Variants in KLHL20 observed in about 807,000 individuals in gnomAD.
The protein encoded by KLHL20 is kelch-like protein 20.
KLHL20 carries 29 observed loss-of-function variants against 69.5 expected under a neutral mutation model. That is an observed-to-expected ratio of 0.42 (90% CI 0.31 to 0.57). The LOEUF (loss-of-function observed/expected upper bound fraction) is 0.57. Ranked by LOEUF, KLHL20 falls within the 20% of genes least tolerant of loss-of-function variation. The pLI, the probability that KLHL20 is intolerant of heterozygous loss-of-function variation, is 0.18. For synonymous variants in KLHL20, 253 were observed against 265.2 expected, an observed-to-expected ratio of 0.95 and a Z score of 0.45; for missense variants, 419 against 776.0, an observed-to-expected ratio of 0.54 and a Z score of 5.47.
chr1:173,753,645 T>C (rs1172381664), intron 5 of KLHL20, among the ~76,000 whole-genome samples: 1 of 152,216 alleles, frequency 6.6e-6, no homozygotes, highest in East Asian at 1.9e-4. Context: ...TAAATAATGC[T>C]GTTGACTCTG....
Position 173,775,850 on chromosome 1 carries a change from G to GT in KLHL20, c.1638+10dup. The GT allele has an allele frequency of 6.2e-7, 1 of 1,612,504 alleles. No individual in the cohort carries two copies. The highest frequency in any genetic ancestry group is 8.5e-7 in the Non-Finnish European group (1 of 1,178,552). On this transcript the variant is annotated intron_variant, in intron 10 of 11. Coordinates refer to ENST00000209884, the MANE Select transcript of KLHL20 (RefSeq NM_014458.4). ...ACATCACGCCGTAGTGGAGTAAGTGGTTATGGACACTTAGGTTGCTTCCAA... is the reference window on the plus strand; with the variant it reads ...ACATCACGCCGTAGTGGAGTAAGTGGTTTATGGACACTTAGGTTGCTTCCAA...
At chr1:173,718,127 C>T (rs1671545970) in intron 2 of KLHL20, among the ~76,000 whole-genome samples, 1 of 151,970 alleles carries the variant, frequency 6.6e-6, no homozygotes, top group African/African-American at 2.4e-5. Flanking sequence ...AGGGTTTTGC[C>T]ATGTTGCCCA....
chr1:173,785,824 A>G lies in KLHL20; in HGVS notation c.*577A>G, dbSNP rs1571948116. 1.3e-5 allele frequency: 2 copies of G among 152,142 alleles called. No individual in the cohort carries two copies. The highest frequency in any genetic ancestry group is 6.5e-5 in the Admixed American group (1 of 15,272). The allele number at this position is 152,142 out of a possible 1,614,324, so 9.4% of individuals were successfully genotyped here. A position where few individuals can be genotyped will look rare whatever the true frequency, so the allele number is the denominator to read the frequency against. On this transcript the variant is annotated 3_prime_UTR_variant, in exon 12 of 12. Coordinates refer to ENST00000209884, the MANE Select transcript of KLHL20 (RefSeq NM_014458.4). ...ACAATTCAGAAGGGATACTAAATCA[A>G]TAAAAACCAGGACTCAGACACTACA...
At chr1:173,769,522 C>T (rs1237818174) in intron 8 of KLHL20, among the ~76,000 whole-genome samples, 1 of 152,086 alleles carries the variant, frequency 6.6e-6, no homozygotes, top group Non-Finnish European at 1.5e-5. Flanking sequence ...GGCGCTGTGG[C>T]TCACACCCAT....
chr1:173,729,789 C>A (rs1338628504), intron 2 of KLHL20, among the ~76,000 whole-genome samples: 2 of 152,114 alleles, frequency 1.3e-5, no homozygotes, highest in Admixed American at 6.6e-5. Context: ...ACTGGAAGCA[C>A]TCCCTTTGAA....
At chr1:173,732,858 C>G (rs939735199) in intron 2 of KLHL20, among the ~76,000 whole-genome samples, 1 of 152,052 alleles carries the variant, frequency 6.6e-6, no homozygotes, top group Non-Finnish European at 1.5e-5. Flanking sequence ...TATTTAATAT[C>G]TCTAGATATG....
chr1:173,741,557 A>G (rs1417155923), intron 3 of KLHL20: 1 of 416,162 alleles, frequency 2.4e-6, no homozygotes, highest in Non-Finnish European at 4.2e-6. Context: ...TACAATTCAA[A>G]ATTTTCTGCA....
At position 173,734,172 on chromosome 1, in the gene KLHL20, A is replaced by T; in HGVS notation, c.483A>T (p.Leu161Phe). ...AEIQEACCEF[L>F]KRQLDPSNCL... Reference sequence around the variant, plus strand: ...TACAGGAAGCCTGCTGTGAATTCTTAAAGAGACAATTAGATCCTTCTAACT... The same window carrying T: ...TACAGGAAGCCTGCTGTGAATTCTTTAAGAGACAATTAGATCCTTCTAACT... The change falls in exon 3 of 12, where the codon TTA (leucine) becomes TTT (phenylalanine). Residue 161 changes from leucine (L) to phenylalanine (F), a missense_variant. Physicochemically the swap from Leu to Phe is conservative, Grantham distance 22. Coordinates refer to ENST00000209884, the MANE Select transcript of KLHL20 (RefSeq NM_014458.4). 6.2e-7 allele frequency: 1 copy of T among 1,614,218 alleles called. No homozygotes were observed.
rs1336346163 is a variant in KLHL20, at chr1:173,786,458, T to A, written c.*1211T>A. On this transcript the variant is annotated 3_prime_UTR_variant, in exon 12 of 12. Coordinates refer to ENST00000209884, the MANE Select transcript of KLHL20 (RefSeq NM_014458.4). ...ATTCATAGACAAATTTTTTTCAATATATTTTGCAAGAAAAATCTTTGAATA... is the reference window on the plus strand; with the variant it reads ...ATTCATAGACAAATTTTTTTCAATAAATTTTGCAAGAAAAATCTTTGAATA... 6.6e-6 allele frequency: 1 copy of A among 152,608 alleles called. No individual in the cohort carries two copies. Among genetic ancestry groups the A allele is most frequent in the African/African-American group, 2.4e-5 (1 of 41,456 alleles). 9.5% of individuals were successfully genotyped at this position (152,608 alleles called of 1,614,324 possible).
At chr1:173,752,274 C>T (rs115729305) in intron 4 of KLHL20, among the ~76,000 whole-genome samples, 1,803 of 151,420 alleles carry the variant, frequency 0.012, 45 homozygotes, top group African/African-American at 0.042. Context: ...TGAGATAATA[C>T]GTATTTGTCT....
At chr1:173,760,928 C>T (rs1243564363) in intron 7 of KLHL20, among the ~76,000 whole-genome samples, 1 of 152,282 alleles carries the variant, frequency 6.6e-6, no homozygotes, top group Non-Finnish European at 1.5e-5. Context: ...CCTAAATGCT[C>T]CACTTAAAAG....
intron 2 of KLHL20, among the ~76,000 whole-genome samples, chr1:173,730,185 G>A (rs2102466193): frequency 6.6e-6 from 1 of 152,188 alleles, no homozygotes; most frequent in East Asian, 1.9e-4. Context: ...TCTCTTCAAG[G>A]AGAACTACAA....
intron 3 of KLHL20, among the ~76,000 whole-genome samples, chr1:173,747,228 C>T (rs975050954): frequency 4.6e-5 from 7 of 151,822 alleles, no homozygotes. Flanking sequence ...TTGATTATGT[C>T]GCTTGGCTCT....
intron 7 of KLHL20, among the ~76,000 whole-genome samples, chr1:173,759,267 C>T (rs113943434): frequency 0.025 from 3,844 of 152,216 alleles, 176 homozygotes; most frequent in African/African-American, 0.089. Flanking sequence ...ATGCCTAATC[C>T]TGCCCCCACC....
At chr1:173,762,839 CA>C (rs1388340259) in intron 7 of KLHL20, among the ~76,000 whole-genome samples, 2 of 152,122 alleles carry the variant, frequency 1.3e-5, no homozygotes, top group Non-Finnish European at 1.5e-5. Context: ...CCACTCTCAC[CA>C]CTCCTCTTCA....
At chr1:173,775,995 T>C (rs1304541019) in intron 10 of KLHL20, among the ~76,000 whole-genome samples, 153 bp downstream of exon 10, 1 of 152,240 alleles carries the variant, frequency 6.6e-6, no homozygotes, top group Non-Finnish European at 1.5e-5. Context: ...ATGATATTTC[T>C]ATTTTTAGTT....
At chr1:173,754,408 A>C (rs1178762997) in intron 5 of KLHL20, among the ~76,000 whole-genome samples, 1 of 151,986 alleles carries the variant, frequency 6.6e-6, no homozygotes, top group Non-Finnish European at 1.5e-5. Context: ...ACATGGAGAA[A>C]CTGCATCTGT....
At chr1:173,766,125 C>T (rs1647690757) in intron 7 of KLHL20, 21 bp from the exon 8 acceptor site, 1 of 1,558,450 alleles carries the variant, frequency 6.4e-7, no homozygotes, top group Admixed American at 2.0e-5. Context: ...ACAAACTCTC[C>T]TCTTGGTATG....
chr1:173,764,905 A>C, intron 7 of KLHL20, among the ~76,000 whole-genome samples: 1 of 152,198 alleles, frequency 6.6e-6, no homozygotes, highest in East Asian at 1.9e-4. Flanking sequence ...AGTTTAAAAA[A>C]AATTGATGGG....
Sources: gnomAD v4.1 joint callset for allele counts (sites outside exome capture counted in the v4.1 genomes callset) on GRCh38, gnomAD v4.1.1 for gene constraint, MANE v1.5 for transcripts, NCBI Gene and HGNC (gene_info 2026-07-23, HGNC 2026-07-21) for gene names.